HPX: variants seen among roughly 807,000 people sequenced by gnomAD.
The protein encoded by HPX is beta-1B-glycoprotein.
HPX carries 42 observed loss-of-function variants against 53.8 expected under a neutral mutation model. The observed-to-expected ratio is 0.78, with a 90% confidence interval of 0.61 to 1.01. HPX has a LOEUF of 1.01. Among genes scored for constraint, HPX ranks in the 50% least tolerant of loss-of-function variants. The pLI, the probability that HPX is intolerant of heterozygous loss-of-function variation, is 0.00. For synonymous variants in HPX, 229 were observed against 221.1 expected (o/e 1.04, Z -0.32); for missense variants, 547 against 594.3 (o/e 0.92, Z 0.83).
At chr11:6,438,233 T>A in intron 5 of HPX, 123 bp downstream of exon 5, 1 of 1,009,606 alleles carries the variant, frequency 9.9e-7, no homozygotes, top group Non-Finnish European at 1.5e-6. Flanking sequence ...CTTCTCTATT[T>A]CCCTTCCTTA....
intron 4 of HPX, chr11:6,439,626 T>G: frequency 5.4e-6 from 1 of 185,834 alleles, no homozygotes; most frequent in Non-Finnish European, 1.1e-5. Flanking sequence ...AATGAGACAT[T>G]TGAGAAGAGA....
chr11:6,440,048 G>A (rs777387898), intron 4 of HPX, 117 bp downstream of exon 4: 6 of 1,358,380 alleles, frequency 4.4e-6, no homozygotes, highest in South Asian at 1.2e-5. Flanking sequence ...GAGGGCACAT[G>A]GGAAAGAAAT....
rs776296577 is a variant in HPX, at chr11:6,437,662, A to G, written c.491-10T>C. 6 of 1,611,682 alleles carry G rather than the reference A, an allele frequency of 3.7e-6. No individual in the cohort carries two copies. Among genetic ancestry groups the G allele is most frequent in the Admixed American group, 3.3e-5 (2 of 59,992 alleles). ...AACCACTCGCGGTCACCTTTGTCCA[A>G]TCAATCAACAGGCATTTGGTGAGAC... On this transcript the variant is annotated splice_polypyrimidine_tract_variant and intron_variant, in intron 5 of 9. Transcript: ENST00000265983.
chr11:6,440,270 C>A lies in HPX; in HGVS notation c.231G>T (p.Lys77Asn), dbSNP rs11601354. Residue 77 changes from lysine (K) to asparagine (N), a missense_variant, in exon 4 of 10, where the codon AAG becomes AAT. By Grantham distance (94) the Lys-to-Asn change is moderately conservative. Coordinates refer to ENST00000265983, the MANE Select transcript of HPX (RefSeq NM_000613.3). ...MLFFKGEFVW[K>N]SHKWDRELIS... The stretch of plus-strand genomic sequence containing the variant: ...TTAACTCCCGGTCCCATTTGTGACT[C>A]TTCCACACAAACTCCCCTGAAAAAA... 1 of 1,614,022 alleles carries A rather than the reference C, an allele frequency of 6.2e-7. No individual in the cohort carries two copies. The highest frequency in any genetic ancestry group is 1.1e-5 in the South Asian group (1 of 91,072).
Position 6,438,424 on chromosome 11 carries a change from G to T in HPX, c.422C>A (p.Ser141Tyr). The T allele has an allele frequency of 6.2e-7, 1 of 1,614,092 alleles. No homozygotes were observed. The highest frequency in any genetic ancestry group is 8.5e-7 in the Non-Finnish European group (1 of 1,179,936). ...LLQDEFPGIP[S>Y]PLDAAVECHR... Reference sequence around the variant, plus strand: ...ACATTCCACAGCTGCATCCAGTGGGGATGGGATTCCAGGAAATTCATCTTG... The same window carrying T: ...ACATTCCACAGCTGCATCCAGTGGGTATGGGATTCCAGGAAATTCATCTTG... The change falls in exon 5 of 10, where the codon TCC (serine) becomes TAC (tyrosine). Residue 141 changes from serine to tyrosine, a missense_variant. Transcript: ENST00000265983.
chr11:6,433,456 C>T (rs1403229801), intron 7 of HPX, among the ~76,000 whole-genome samples: 2 of 152,202 alleles, frequency 1.3e-5, no homozygotes, highest in Admixed American at 6.5e-5. Flanking sequence ...GGATTACAGG[C>T]GTAAGCCACC....
At chr11:6,433,317 A>T (rs900028075) in intron 7 of HPX, among the ~76,000 whole-genome samples, 2 of 152,214 alleles carry the variant, frequency 1.3e-5, no homozygotes, top group African/African-American at 4.8e-5. Flanking sequence ...GGCTGAGATT[A>T]CAGGCATGTG....
chr11:6,439,025 G>A (rs1564956194), intron 4 of HPX, among the ~76,000 whole-genome samples: 1 of 152,138 alleles, frequency 6.6e-6, no homozygotes, highest in African/African-American at 2.4e-5. Flanking sequence ...GTAGTGTAAA[G>A]AGTGCACTGA....
intron 7 of HPX, 31 bp downstream of exon 7, chr11:6,437,015 G>A (rs1197967612): frequency 6.2e-7 from 1 of 1,609,842 alleles, no homozygotes; most frequent in South Asian, 1.1e-5. Flanking sequence ...AGATGTGAGA[G>A]CACATTGGGG....
intron 5 of HPX, chr11:6,437,999 G>C (rs1236127079): frequency 2.0e-6 from 1 of 493,538 alleles, no homozygotes; most frequent in East Asian, 3.5e-5. Context: ...AATAGCATAG[G>C]GTTTCTGGAG....
chr11:6,432,794 A>T lies in HPX; in HGVS notation c.836-777T>A, dbSNP rs898782103. On this transcript the variant is annotated intron_variant, in intron 7 of 9. Transcript: ENST00000265983. ...TTTGACTACTCTTTTCTTCAACCTG[A>T]TATCTAAATATTGGAATCCCCTACT... 5.9e-5 allele frequency among the ~76,000 whole-genome samples: 9 copies of T among 152,110 alleles called. No individual in the cohort carries two copies. The East Asian group carries it at 1.7e-3, about 29-fold the overall frequency.
In HPX at chr11:6,437,340, C is replaced by T. The variant is rs534331805; in HGVS notation, c.703+100G>A. ...GGGGCTAGATTAAGGGCCAAGGTGT[C>T]GCAACACGGAGTTAAAGTGAGAGCT... On this transcript the variant is annotated intron_variant, in intron 6 of 9. Transcript: ENST00000265983. The T allele has an allele frequency of 1.1e-4, 149 of 1,377,046 alleles. 1 individual carries two copies. The African/African-American group carries it at 1.7e-3, about 16-fold the overall frequency. The allele number at this position is 1,377,046 out of a possible 1,614,324, so 85.3% of individuals were successfully genotyped here. A position where few individuals can be genotyped will look rare whatever the true frequency, so the allele number is the denominator to read the frequency against.
At chr11:6,435,178 G>A (rs1405870886) in intron 7 of HPX, among the ~76,000 whole-genome samples, 1 of 152,178 alleles carries the variant, frequency 6.6e-6, no homozygotes, top group African/African-American at 2.4e-5. Flanking sequence ...GGGAGGCTGA[G>A]GCAGGAGGAT....
Position 6,440,900 on chromosome 11 carries a change from T to A in HPX, c.64A>T (p.Ile22Phe), listed in dbSNP as rs201692942. 6.2e-7 allele frequency: 1 copy of A among 1,613,058 alleles called. No individual in the cohort carries two copies. Among genetic ancestry groups the A allele is most frequent in the African/African-American group, 1.3e-5 (1 of 74,862 alleles). The change falls in exon 1 of 10, where the codon ATT becomes TTT. Residue 22 changes from isoleucine to phenylalanine, a missense_variant. By Grantham distance (21) the Ile-to-Phe change is conservative (BLOSUM62 0). Transcript: ENST00000265983. ...GLWSLCWSLA[I>F]ATPLPPTSAH... The stretch of plus-strand genomic sequence containing the variant: ...ACTCACGGAGGAAGAGGGGTGGCAA[T>A]GGCCAGAGACCAGCATAGGCTCCAC...
In HPX at chr11:6,431,958, G is replaced by A; in HGVS notation, c.895C>T (p.His299Tyr). 1.9e-6 allele frequency: 3 copies of A among 1,614,184 alleles called. No individual in the cohort carries two copies. The highest frequency in any genetic ancestry group is 1.1e-5 in the South Asian group (1 of 91,084). ...RDGWHSWPIA[H>Y]QWPQGPSAVD... ...GCTGAAGGACCCTGGGGCCACTGAT[G>A]AGCAATGGGCCAGCTATGCCAGCCA... is the stretch of plus-strand genomic sequence containing the variant. The change falls in exon 8 of 10, where the codon CAT becomes TAT. Residue 299 changes from histidine (H) to tyrosine (Y), a missense_variant. His to Tyr is a moderately conservative substitution (Grantham distance 83). Transcript: ENST00000265983.
At chr11:6,439,880 A>C in intron 4 of HPX, 1 of 435,592 alleles carries the variant, frequency 2.3e-6, no homozygotes, top group Non-Finnish European at 4.3e-6. Flanking sequence ...ATGGAAGGCA[A>C]GGGAAGCAAT....
intron 7 of HPX, 79 bp downstream of exon 7, chr11:6,436,967 T>G (rs188411293): frequency 2.7e-6 from 4 of 1,475,990 alleles, no homozygotes; most frequent in Non-Finnish European, 3.8e-6. Context: ...GTGATGACAA[T>G]GGAGAAATGT....
chr11:6,437,718 G>A (rs1051527602), intron 5 of HPX, 66 bp from the exon 6 acceptor site: 3 of 1,324,836 alleles, frequency 2.3e-6, no homozygotes, highest in African/African-American at 2.9e-5. Context: ...GCTTTCTCTG[G>A]GTCCCAGGAT....
intron 7 of HPX, among the ~76,000 whole-genome samples, chr11:6,436,468 T>G (rs1849418572): frequency 6.6e-6 from 1 of 152,290 alleles, no homozygotes; most frequent in Non-Finnish European, 1.5e-5. Flanking sequence ...CTCCATTGGC[T>G]ACTCAGAGGA....
Sources: gnomAD v4.1 joint callset for allele counts (sites outside exome capture counted in the v4.1 genomes callset) on GRCh38, gnomAD v4.1.1 for gene constraint, MANE v1.5 for transcripts, NCBI Gene and HGNC (gene_info 2026-07-23, HGNC 2026-07-21) for gene names.